TMIGD3: variants seen among roughly 807,000 people sequenced by gnomAD.
TMIGD3 encodes AD026 protein (AD026).
TMIGD3 carries 21 observed loss-of-function variants against 28.1 expected under a neutral mutation model. That is an observed-to-expected ratio of 0.75 (90% CI 0.53 to 1.08). TMIGD3 has a LOEUF of 1.08. Among genes scored for constraint, TMIGD3 ranks in the 50% least tolerant of loss-of-function variants. TMIGD3 has a pLI of 0.00. For missense variants in TMIGD3, 416 were observed against 435.6 expected (o/e 0.96, Z 0.40); for synonymous variants, 151 against 162.1 (o/e 0.93, Z 0.52).
chr1:111,541,042 C>A (rs1428831809), intron 1 of TMIGD3, among the ~76,000 whole-genome samples: 1 of 152,190 alleles, frequency 6.6e-6, no homozygotes, highest in African/African-American at 2.4e-5. Context: ...TACACTCCAC[C>A]TAGACTCTGC....
chr1:111,523,161 A>G (rs1293222558), intron 1 of TMIGD3, among the ~76,000 whole-genome samples: 1 of 152,146 alleles, frequency 6.6e-6, no homozygotes, highest in Non-Finnish European at 1.5e-5. Flanking sequence ...GTTTTTTTCT[A>G]TTCCTACTTT....
chr1:111,507,204 T>G (rs1336751552), upstream of TMIGD3, among the ~76,000 whole-genome samples: 1 of 151,844 alleles, frequency 6.6e-6, no homozygotes, highest in Non-Finnish European at 1.5e-5. Context: ...AGAGGATTGC[T>G]TGAGGCCAGG....
intron 1 of TMIGD3, among the ~76,000 whole-genome samples, chr1:111,555,296 G>T (rs1657438216): frequency 6.9e-6 from 1 of 145,638 alleles, no homozygotes; most frequent in South Asian, 2.2e-4. Context: ...AACCCAGGAG[G>T]CTGAGGTTGC....
At chr1:111,562,586 T>C (rs1321671505) in intron 1 of TMIGD3, among the ~76,000 whole-genome samples, 1 of 152,244 alleles carries the variant, frequency 6.6e-6, no homozygotes, top group Non-Finnish European at 1.5e-5. Context: ...CCCATACTTG[T>C]GTCCCATAAA....
intron 1 of TMIGD3, among the ~76,000 whole-genome samples, chr1:111,492,812 TCAA>T (rs769447002): frequency 2.3e-5 from 1 of 44,156 alleles, no homozygotes; most frequent in African/African-American, 8.3e-5. Flanking sequence ...AGATGCTGTC[TCAA>T]AAAAAAAAAA....
intron 1 of TMIGD3, among the ~76,000 whole-genome samples, chr1:111,540,282 T>C (rs1656775682): frequency 6.6e-6 from 1 of 152,140 alleles, no homozygotes; most frequent in Non-Finnish European, 1.5e-5. Flanking sequence ...ATGCAAAGGG[T>C]TGGTGCAGGA....
At chr1:111,485,652 T>C (rs1471715936) in intron 5 of TMIGD3, 88 bp downstream of exon 5, 27 of 1,040,050 alleles carry the variant, frequency 2.6e-5, no homozygotes, top group Non-Finnish European at 3.4e-5. Flanking sequence ...ATGAAGAGGC[T>C]CTCATTCACT....
chr1:111,494,423 C>G (rs1475202862), intron 1 of TMIGD3, among the ~76,000 whole-genome samples: 2 of 152,182 alleles, frequency 1.3e-5, no homozygotes, highest in Non-Finnish European at 2.9e-5. Flanking sequence ...CAAGAACAGC[C>G]AGGCTGAGAG....
chr1:111,557,925 T>A (rs1403062335), intron 1 of TMIGD3, among the ~76,000 whole-genome samples: 1 of 152,184 alleles, frequency 6.6e-6, no homozygotes, highest in Admixed American at 6.5e-5. Context: ...CTTTAGCCTG[T>A]ATTAAGAAAA....
intron 3 of TMIGD3, among the ~76,000 whole-genome samples, chr1:111,486,906 T>G (rs1017273427): frequency 6.6e-6 from 1 of 152,150 alleles, no homozygotes; most frequent in South Asian, 2.1e-4. Flanking sequence ...CTGGACTCCA[T>G]GCACCTGAAG....
chr1:111,491,755 A>C (rs1654676290), intron 1 of TMIGD3, among the ~76,000 whole-genome samples: 2 of 152,282 alleles, frequency 1.3e-5, no homozygotes, highest in African/African-American at 4.8e-5. Flanking sequence ...AAGGGACTTA[A>C]GAGACATATG....
chr1:111,535,940 T>C (rs1656625545), intron 1 of TMIGD3, among the ~76,000 whole-genome samples: 1 of 152,188 alleles, frequency 6.6e-6, no homozygotes, highest in African/African-American at 2.4e-5. Context: ...ATATTTGAAC[T>C]TGGACCTTCA....
At chr1:111,540,352 C>G (rs1303595232) in intron 1 of TMIGD3, among the ~76,000 whole-genome samples, 1 of 152,230 alleles carries the variant, frequency 6.6e-6, no homozygotes, top group Non-Finnish European at 1.5e-5. Context: ...GCTTCATCTC[C>G]TTGGCATGGG....
chr1:111,497,405 C>T (rs1013710491), intron 1 of TMIGD3, among the ~76,000 whole-genome samples: 4 of 152,178 alleles, frequency 2.6e-5, no homozygotes, highest in Non-Finnish European at 2.9e-5. Flanking sequence ...CCACTGCACC[C>T]GGCTCCTGTA....
chr1:111,500,515 A>G (rs758305444), intron 1 of TMIGD3: 1 of 1,614,242 alleles, frequency 6.2e-7, no homozygotes, highest in South Asian at 1.1e-5. Context: ...GCAAAGGCCC[A>G]GGGCCAGCCA....
chr1:111,552,708 A>T (rs113452370), intron 1 of TMIGD3, among the ~76,000 whole-genome samples: 164 of 152,286 alleles, frequency 1.1e-3, no homozygotes, highest in African/African-American at 3.7e-3. Context: ...TTCTGGAATC[A>T]TATGTTGGTG....
intron 1 of TMIGD3, among the ~76,000 whole-genome samples, chr1:111,541,998 C>T (rs749811478): frequency 6.6e-6 from 1 of 151,988 alleles, no homozygotes; most frequent in African/African-American, 2.4e-5. Flanking sequence ...AGGTGTGTCA[C>T]CAGGAACACC....
intron 1 of TMIGD3, among the ~76,000 whole-genome samples, chr1:111,526,176 T>C (rs889980236): frequency 1.3e-5 from 2 of 152,188 alleles, no homozygotes; most frequent in African/African-American, 4.8e-5. Flanking sequence ...TGTATGTCCC[T>C]CTACCTCCCC....
Position 111,485,738 on chromosome 1 carries a change from A to T in TMIGD3, c.973+2T>A. 1 of 1,569,056 alleles carries T rather than the reference A, an allele frequency of 6.4e-7. No individual in the cohort carries two copies. The highest frequency in any genetic ancestry group is 8.7e-7 in the Non-Finnish European group (1 of 1,153,372). On this transcript the variant is annotated splice_donor_variant, in intron 5 of 5. Transcript: ENST00000369716. LOFTEE classifies it high-confidence loss of function. ...CCCCCTCCCTCAACAATAGCTACTT[A>T]CCCCTTCTATTCCTTTGACTTCTCC...
Sources: allele counts gnomAD v4.1 joint callset (sites outside exome capture counted in the v4.1 genomes callset), GRCh38; gene constraint gnomAD v4.1.1; transcripts MANE v1.5; gene names NCBI Gene and HGNC (gene_info 2026-07-23, HGNC 2026-07-21).